Variants in SPON1 observed in about 807,000 individuals in gnomAD.
The protein encoded by SPON1 is spondin 1.
A neutral mutation model predicts 111.7 loss-of-function variants in SPON1; 52 were observed. That is an observed-to-expected ratio of 0.47 (90% CI 0.37 to 0.59). SPON1 has a LOEUF of 0.59. Among genes scored for constraint, SPON1 ranks in the 20% least tolerant of loss-of-function variants. The pLI, the probability that SPON1 is intolerant of heterozygous loss-of-function variation, is 0.00. For missense variants in SPON1, 957 were observed against 1,068.5 expected (o/e 0.90, Z 1.46); for synonymous variants, 410 against 395.8 (o/e 1.04, Z -0.43).
intron 6 of SPON1, among the ~76,000 whole-genome samples, chr11:14,201,748 A>C (rs571213288): frequency 6.6e-6 from 1 of 152,208 alleles, no homozygotes; most frequent in Non-Finnish European, 1.5e-5. Context: ...TATACACATA[A>C]GTATTTAATG....
At chr11:14,235,791 A>C (rs548869770) in intron 6 of SPON1, among the ~76,000 whole-genome samples, 2 of 152,150 alleles carry the variant, frequency 1.3e-5, no homozygotes, top group East Asian at 3.9e-4. Flanking sequence ...ATGCTGAGTC[A>C]AAAAGGGGGC....
intron 6 of SPON1, among the ~76,000 whole-genome samples, chr11:14,191,965 A>G (rs1337448896): frequency 6.6e-6 from 1 of 152,176 alleles, no homozygotes; most frequent in East Asian, 1.9e-4. Context: ...ATAATTGAGG[A>G]TTTTATTGTA....
chr11:14,024,885 G>A lies in SPON1; in HGVS notation c.346-16636G>A, dbSNP rs745530159. On this transcript the variant is annotated intron_variant, in intron 2 of 15. Transcript: ENST00000576479. The stretch of plus-strand genomic sequence containing the variant: ...TAACAGCTGGAGTTGCATCCTTCAA[G>A]TGACAATATAGGTATATCAGGGCAG... 4.0e-4 allele frequency among the ~76,000 whole-genome samples: 61 copies of A among 152,206 alleles called. 1 individual carries two copies. The highest frequency in any genetic ancestry group is 2.8e-4 in the Non-Finnish European group (19 of 68,028).
chr11:14,256,763 C>A (rs1220885193), intron 10 of SPON1, 71 bp downstream of exon 10: 7 of 1,201,054 alleles, frequency 5.8e-6, no homozygotes, highest in Non-Finnish European at 7.4e-6. Flanking sequence ...AATTTGCTAA[C>A]CTGTTTTAAG....
chr11:14,159,910 T>TG (rs1374090117), intron 6 of SPON1, among the ~76,000 whole-genome samples: 1 of 4,868 alleles, frequency 2.1e-4, no homozygotes, highest in Non-Finnish European at 4.3e-4. Context: ...GGGTGGGAGG[T>TG]GGGGGGGATG....
chr11:14,099,852 CTGATGTCATACGG>C (rs1435428068), intron 5 of SPON1, among the ~76,000 whole-genome samples: 3 of 152,094 alleles, frequency 2.0e-5, no homozygotes, highest in African/African-American at 7.2e-5. Flanking sequence ...GCGGAAGCAA[CTGATGTCATACGG>C]TGAGAGAAGG....
At chr11:14,080,112 T>A (rs1848950087) in intron 5 of SPON1, 91 bp downstream of exon 5, 4 of 1,483,260 alleles carry the variant, frequency 2.7e-6, no homozygotes, top group Admixed American at 3.4e-5. Context: ...GCATGTCAGA[T>A]CTGCTCCCTA....
At chr11:13,982,351 C>T (rs78989058) in intron 1 of SPON1, among the ~76,000 whole-genome samples, 3,180 of 152,254 alleles carry the variant, frequency 0.021, 122 homozygotes, top group African/African-American at 0.072. Flanking sequence ...GGTTATAAAG[C>T]TGACTTAACT....
chr11:14,075,987 C>T (rs1460860907), intron 4 of SPON1, among the ~76,000 whole-genome samples: 1 of 152,118 alleles, frequency 6.6e-6, no homozygotes, highest in Non-Finnish European at 1.5e-5. Context: ...TAACTAGACT[C>T]GGGGGATAAA....
chr11:14,220,806 G>T (rs1848672699), intron 6 of SPON1, among the ~76,000 whole-genome samples: 2 of 152,292 alleles, frequency 1.3e-5, no homozygotes, highest in South Asian at 4.1e-4. Context: ...TGGTGGTAAT[G>T]TTAATGTTAT....
intron 5 of SPON1, among the ~76,000 whole-genome samples, chr11:14,108,006 A>T (rs1328193991): frequency 3.3e-5 from 5 of 152,176 alleles, no homozygotes; most frequent in Admixed American, 6.5e-5. Flanking sequence ...CAAATCACCT[A>T]TCTCATGAAG....
intron 3 of SPON1, among the ~76,000 whole-genome samples, chr11:14,074,423 C>G (rs1848900535): frequency 1.3e-5 from 2 of 152,256 alleles, no homozygotes; most frequent in African/African-American, 2.4e-5. Flanking sequence ...TCATGTGACT[C>G]TAATACTCCT....
At chr11:13,983,465 G>T (rs35267421) in intron 2 of SPON1, among the ~76,000 whole-genome samples, 1 of 152,164 alleles carries the variant, frequency 6.6e-6, no homozygotes, top group Non-Finnish European at 1.5e-5. Context: ...GGTGGTAATG[G>T]TCTTTAAATG....
At chr11:13,985,031 A>G (rs1554910152) in intron 2 of SPON1, among the ~76,000 whole-genome samples, 1 of 152,186 alleles carries the variant, frequency 6.6e-6, no homozygotes, top group Non-Finnish European at 1.5e-5. Flanking sequence ...AACACCTGGG[A>G]ACTTGTTAGA....
intron 6 of SPON1, among the ~76,000 whole-genome samples, chr11:14,186,185 A>G (rs12285520): frequency 0.015 from 2,228 of 152,336 alleles, 55 homozygotes; most frequent in African/African-American, 0.051. Context: ...GGCATAGAAG[A>G]TATTTTTATC....
At chr11:14,105,378 G>C (rs1323032789) in intron 5 of SPON1, among the ~76,000 whole-genome samples, 1 of 151,668 alleles carries the variant, frequency 6.6e-6, no homozygotes, top group Non-Finnish European at 1.5e-5. Context: ...CTCTTTCTCT[G>C]TTAGTTACCT....
chr11:14,065,507 A>G (rs1554920279), intron 3 of SPON1, among the ~76,000 whole-genome samples: 1 of 152,128 alleles, frequency 6.6e-6, no homozygotes, highest in African/African-American at 2.4e-5. Flanking sequence ...TTCACTTTCT[A>G]TTTCTTGTTT....
chr11:13,993,782 G>C (rs979751334), intron 2 of SPON1, among the ~76,000 whole-genome samples: 1 of 152,190 alleles, frequency 6.6e-6, no homozygotes, highest in East Asian at 1.9e-4. Flanking sequence ...ACTATGAACA[G>C]GACAGAGCAG....
At chr11:14,161,376 T>C (rs1847962503) in intron 6 of SPON1, among the ~76,000 whole-genome samples, 1 of 148,100 alleles carries the variant, frequency 6.8e-6, no homozygotes, top group Non-Finnish European at 1.5e-5. Context: ...TGGAGTGCAG[T>C]GGTGCAATCT....
Sources: allele counts gnomAD v4.1 joint callset (sites outside exome capture counted in the v4.1 genomes callset), GRCh38; gene constraint gnomAD v4.1.1; transcripts MANE v1.5; gene names NCBI Gene and HGNC (gene_info 2026-07-23, HGNC 2026-07-21).